Variants in PGCKA1 observed in about 807,000 individuals in gnomAD.
The protein encoded by PGCKA1 is PDCD10 and GCKIII kinases-associated protein 1.
the PGCKA1 span, among the ~76,000 whole-genome samples, chr4:37,475,663 G>A: frequency 6.6e-6 from 1 of 151,940 alleles, no homozygotes; most frequent in African/African-American, 2.4e-5. Context: ...GTCCTCTTGA[G>A]CTATTTTGTT....
the PGCKA1 span, chr4:37,588,960 T>C: frequency 8.0e-7 from 1 of 1,244,842 alleles, no homozygotes; most frequent in Non-Finnish European, 1.2e-6. Context: ...GGGGTCACTT[T>C]TAAAGACCAT....
At chr4:37,585,811 CAT>C in the PGCKA1 span, among the ~76,000 whole-genome samples, 1,649 of 152,076 alleles carry the variant, frequency 0.011, 16 homozygotes, top group Non-Finnish European at 0.018. Flanking sequence ...CAATGTTACA[CAT>C]GTGTACACAG....
the PGCKA1 span, among the ~76,000 whole-genome samples, chr4:37,526,371 A>AG: frequency 6.6e-6 from 1 of 152,242 alleles, no homozygotes; most frequent in African/African-American, 2.4e-5. Context: ...CTTGGCCCGT[A>AG]GGATTCTATA....
the PGCKA1 span, among the ~76,000 whole-genome samples, chr4:37,492,530 G>T: frequency 1.3e-5 from 2 of 152,180 alleles, no homozygotes; most frequent in Non-Finnish European, 1.5e-5. The surrounding 1 kb of genome is among the most constrained non-coding windows in gnomAD (Gnocchi z 4.7). Flanking sequence ...TTGCCTGGAA[G>T]GTATGGACCT....
chr4:37,497,397 C>T, the PGCKA1 span, among the ~76,000 whole-genome samples: 9 of 152,050 alleles, frequency 5.9e-5, no homozygotes, highest in East Asian at 9.6e-4. Context: ...TATAAACATG[C>T]GTGTGCAAGT....
At chr4:37,529,073 A>G in the PGCKA1 span, among the ~76,000 whole-genome samples, 1 of 152,172 alleles carries the variant, frequency 6.6e-6, no homozygotes, top group Non-Finnish European at 1.5e-5. Context: ...TCAATTTAGA[A>G]TGTTTTCCAG....
the PGCKA1 span, among the ~76,000 whole-genome samples, chr4:37,509,075 T>C: frequency 1.3e-5 from 2 of 151,102 alleles, no homozygotes. Flanking sequence ...CTATGTCTAC[T>C]TCTTTCTACA....
At chr4:37,535,880 C>T in the PGCKA1 span, among the ~76,000 whole-genome samples, 1 of 152,152 alleles carries the variant, frequency 6.6e-6, no homozygotes, top group Admixed American at 6.5e-5. Context: ...CTTGGCTCTA[C>T]CAGTTGCTAG....
At chr4:37,472,709 T>C in the PGCKA1 span, among the ~76,000 whole-genome samples, 1 of 152,314 alleles carries the variant, frequency 6.6e-6, no homozygotes, top group East Asian at 1.9e-4. Flanking sequence ...CTTGAGGATG[T>C]CTTCCTTTTT....
At chr4:37,502,980 C>G in the PGCKA1 span, among the ~76,000 whole-genome samples, 1 of 152,170 alleles carries the variant, frequency 6.6e-6, no homozygotes, top group South Asian at 2.1e-4. Flanking sequence ...CAACAGTTTC[C>G]CTAGGGCTAA....
At chr4:37,469,980 T>C in the PGCKA1 span, among the ~76,000 whole-genome samples, 4 of 152,230 alleles carry the variant, frequency 2.6e-5, no homozygotes, top group Non-Finnish European at 2.9e-5. Context: ...CTTTGGGAGA[T>C]ACAGTTTGTA....
chr4:37,476,917 T>C, the PGCKA1 span, among the ~76,000 whole-genome samples: 4 of 152,158 alleles, frequency 2.6e-5, no homozygotes, highest in African/African-American at 9.7e-5. Flanking sequence ...GGCAAGGAAG[T>C]GGAGAAACTG....
At chr4:37,590,244 G>T in the PGCKA1 span, 4 of 1,614,242 alleles carry the variant, frequency 2.5e-6, no homozygotes, top group Non-Finnish European at 3.4e-6. Flanking sequence ...GCTCAAAGAA[G>T]ACTGAGAGCA....
the PGCKA1 span, among the ~76,000 whole-genome samples, chr4:37,455,480 T>C: frequency 6.6e-6 from 1 of 152,250 alleles, no homozygotes. Context: ...TGTGGCTTAC[T>C]TCTCTTCTTG....
the PGCKA1 span, among the ~76,000 whole-genome samples, chr4:37,566,793 G>A: frequency 6.6e-6 from 1 of 152,086 alleles, no homozygotes; most frequent in Non-Finnish European, 1.5e-5. Flanking sequence ...GTTGGGTCAG[G>A]CTGCTCTAGA....
the PGCKA1 span, among the ~76,000 whole-genome samples, chr4:37,573,929 C>A: frequency 6.6e-6 from 1 of 152,134 alleles, no homozygotes; most frequent in Non-Finnish European, 1.5e-5. Context: ...GTGGCTCATG[C>A]CTATAATTCC....
the PGCKA1 span, among the ~76,000 whole-genome samples, chr4:37,561,520 A>G: frequency 1.3e-5 from 2 of 152,218 alleles, no homozygotes; most frequent in Non-Finnish European, 2.9e-5. Flanking sequence ...CAAAACATAA[A>G]TTTTAAAGAC....
the PGCKA1 span, among the ~76,000 whole-genome samples, chr4:37,475,027 T>C: frequency 2.6e-5 from 4 of 152,208 alleles, no homozygotes; most frequent in African/African-American, 9.7e-5. Context: ...AGATGAATAC[T>C]GTCAGTTATG....
the PGCKA1 span, among the ~76,000 whole-genome samples, chr4:37,507,440 A>G: frequency 6.6e-6 from 1 of 151,842 alleles, no homozygotes; most frequent in African/African-American, 2.4e-5. Context: ...TTGTGTATCC[A>G]TTGTATGTTT....
Sources: gnomAD v4.1 joint callset for allele counts (sites outside exome capture counted in the v4.1 genomes callset) on GRCh38, gnomAD v4.1.1 for gene constraint, Gnocchi (gnomAD v3.1) non-coding constraint, MANE v1.5 for transcripts, NCBI Gene and HGNC (gene_info 2026-07-23, HGNC 2026-07-21) for gene names.